NLRP5: variants seen among roughly 807,000 people sequenced by gnomAD.
NLRP5 encodes the protein NLR family pyrin domain containing 5, also known as NACHT, LRR and PYD domains-containing protein 5.
NLRP5 carries 93 observed loss-of-function variants against 113.1 expected under a neutral mutation model. The observed-to-expected ratio is 0.82, with a 90% CI of 0.70 to 0.98. The LOEUF (loss-of-function observed/expected upper bound fraction) is 0.98. NLRP5 is among the 50% of genes least tolerant of loss of function. NLRP5 has a pLI of 0.00. For missense variants in NLRP5, 1,808 were observed against 1,514.3 expected (o/e 1.19, Z -3.22); for synonymous variants, 751 against 600.7 (o/e 1.25, Z -3.66).
At chr19:56,040,685 A>T (rs1234150351) in intron 10 of NLRP5, among the ~76,000 whole-genome samples, 2 of 152,212 alleles carry the variant, frequency 1.3e-5, no homozygotes, top group African/African-American at 4.8e-5. Context: ...TTGCCCAGCC[A>T]TTCCCCATTG....
intron 13 of NLRP5, among the ~76,000 whole-genome samples, chr19:56,054,494 G>T (rs1269297176): frequency 6.6e-6 from 1 of 150,912 alleles, no homozygotes; most frequent in African/African-American, 2.4e-5. Flanking sequence ...GGAGGTGGAG[G>T]TTGCAGTGAG....
At chr19:56,013,748 G>C (rs1982302588) in intron 3 of NLRP5, among the ~76,000 whole-genome samples, 1 of 151,776 alleles carries the variant, frequency 6.6e-6, no homozygotes, top group Non-Finnish European at 1.5e-5. Context: ...TTTTTGAGGA[G>C]CTCTGCCAAA....
At chr19:56,051,096 C>T (rs1983916257) in intron 12 of NLRP5, among the ~76,000 whole-genome samples, 1 of 152,188 alleles carries the variant, frequency 6.6e-6, no homozygotes, top group Admixed American at 6.6e-5. Flanking sequence ...TTCTGGGGTT[C>T]TCTTGTTCTA....
At chr19:56,048,668 T>C (rs559461320) in intron 11 of NLRP5, among the ~76,000 whole-genome samples, 1 of 152,270 alleles carries the variant, frequency 6.6e-6, no homozygotes, top group Admixed American at 6.5e-5. Flanking sequence ...TCATCTTAAT[T>C]TTAGATAAGC....
chr19:56,055,777 C>T (rs933373580), intron 13 of NLRP5, among the ~76,000 whole-genome samples: 7 of 151,518 alleles, frequency 4.6e-5, no homozygotes, highest in Admixed American at 1.3e-4. Flanking sequence ...AATCTCCTGA[C>T]CTCATGATCT....
In NLRP5 at chr19:56,025,440, C is replaced by A. The variant is rs1334827522; in HGVS notation, c.680-1473C>A. Among the ~76,000 whole-genome samples, 4 of 150,210 alleles carry A rather than the reference C, an allele frequency of 2.7e-5. No homozygotes were observed. The East Asian group carries it at 7.7e-4, about 29-fold the overall frequency. ...TTTTTTTTTGAGATGGAGTCTCGCT[C>A]TGTCGCCCAGTCTGGAGTGCAGTGG... On this transcript the variant is annotated intron_variant, in intron 6 of 14. Transcript: ENST00000390649.
intron 14 of NLRP5, 68 bp from the exon 15 acceptor site, chr19:56,061,328 G>T: frequency 6.4e-7 from 1 of 1,560,142 alleles, no homozygotes; most frequent in Non-Finnish European, 8.7e-7. Context: ...AGGCTACCAG[G>T]AATTTTGAAG....
chr19:56,039,901 C>T (rs1489714358), intron 10 of NLRP5, among the ~76,000 whole-genome samples: 4 of 151,666 alleles, frequency 2.6e-5, no homozygotes, highest in Non-Finnish European at 5.9e-5. Context: ...GCAACAAGCG[C>T]AAAACTCCAT....
the NLRP5 span, among the ~76,000 whole-genome samples, chr19:55,990,576 C>T: frequency 0.046 from 6,974 of 152,016 alleles, 218 homozygotes; most frequent in South Asian, 0.11. Flanking sequence ...CCTGTAATCC[C>T]AGCACTTTGG....
At chr19:56,044,390 G>A (rs906074620) in intron 11 of NLRP5, among the ~76,000 whole-genome samples, 1 of 152,172 alleles carries the variant, frequency 6.6e-6, no homozygotes, top group Non-Finnish European at 1.5e-5. Flanking sequence ...GCTGATTTTT[G>A]TGTTAGGTGA....
At chr19:56,028,629 C>A in intron 7 of NLRP5, 120 bp downstream of exon 7, 2 of 973,142 alleles carry the variant, frequency 2.1e-6, no homozygotes, top group Admixed American at 2.3e-5. Flanking sequence ...GGATGAATGG[C>A]CCAGATGACG....
upstream of NLRP5, among the ~76,000 whole-genome samples, chr19:55,998,712 GTGTA>G (rs1568478308): frequency 8.6e-5 from 9 of 104,528 alleles, no homozygotes; most frequent in South Asian, 3.2e-4. Flanking sequence ...ATGTGTGTGT[GTGTA>G]TATATATATA....
intron 3 of NLRP5, among the ~76,000 whole-genome samples, chr19:56,014,609 A>G (rs1315747620): frequency 6.6e-6 from 1 of 152,180 alleles, no homozygotes; most frequent in East Asian, 1.9e-4. Context: ...TTTTGTATAT[A>G]GCATGAAGTA....
chr19:56,057,891 G>T (rs1288220453), intron 13 of NLRP5, among the ~76,000 whole-genome samples: 4 of 152,036 alleles, frequency 2.6e-5, no homozygotes, highest in Non-Finnish European at 5.9e-5. Context: ...GCCAGGCATG[G>T]TGGCACGTGC....
rs747866625 is a variant in NLRP5, at chr19:56,038,025, G to C, written c.2616G>C (p.Arg872Ser). ...TGCTTCATGCTGCCTGTCTCTGCAG[G>C]CTGGATTGCTGTGGATTGACCCATG... Residue 872 changes from arginine to serine, a missense_variant and splice_region_variant, in exon 10 of 15, where the codon AGG becomes AGC. Transcript: ENST00000390649. 3 of 1,613,938 alleles carry C rather than the reference G, an allele frequency of 1.9e-6. No homozygotes were observed. Among genetic ancestry groups the C allele is most frequent in the Middle Eastern group, 1.7e-4 (1 of 6,026 alleles).
chr19:56,060,332 T>G (rs1984304643), intron 14 of NLRP5, among the ~76,000 whole-genome samples: 1 of 152,216 alleles, frequency 6.6e-6, no homozygotes, highest in South Asian at 2.1e-4. Flanking sequence ...TTGGTAAGGG[T>G]GGGAAATTTG....
chr19:56,047,339 T>C (rs1391129231), intron 11 of NLRP5, among the ~76,000 whole-genome samples: 3 of 152,204 alleles, frequency 2.0e-5, no homozygotes, highest in African/African-American at 4.8e-5. Context: ...ATAGTATCAG[T>C]TGATGCTCTT....
chr19:56,032,540 C>A, intron 7 of NLRP5, 71 bp from the exon 8 acceptor site: 1 of 1,425,692 alleles, frequency 7.0e-7, no homozygotes, highest in Non-Finnish European at 9.6e-7. Flanking sequence ...CCCTCTCCTC[C>A]GACGTGTTGC....
intron 14 of NLRP5, among the ~76,000 whole-genome samples, chr19:56,060,803 T>C (rs953310211): frequency 6.6e-6 from 1 of 152,090 alleles, no homozygotes; most frequent in African/African-American, 2.4e-5. Context: ...CCTGATGTGC[T>C]AGAGGCCAAT....
Sources: allele counts gnomAD v4.1 joint callset (sites outside exome capture counted in the v4.1 genomes callset), GRCh38; gene constraint gnomAD v4.1.1; transcripts MANE v1.5; gene names NCBI Gene and HGNC (gene_info 2026-07-23, HGNC 2026-07-21).